Variants in TOLLIP observed in about 807,000 individuals in gnomAD.
TOLLIP encodes the protein toll-interacting protein.
Under a neutral mutation model 33.5 loss-of-function variants are expected in TOLLIP, and 16 were observed. The ratio of observed to expected loss-of-function variants is 0.48; its 90% CI spans 0.32 to 0.72. The LOEUF is 0.72. Among genes scored for constraint, TOLLIP ranks in the 30% least tolerant of loss-of-function variants. TOLLIP has a pLI of 0.03. For synonymous variants in TOLLIP, 176 were observed against 163.7 expected (o/e 1.07, Z -0.57); for missense variants, 325 against 396.6 (o/e 0.82, Z 1.53).
At chr11:1,297,889 A>G (rs891086827) in intron 1 of TOLLIP, among the ~76,000 whole-genome samples, 2 of 152,184 alleles carry the variant, frequency 1.3e-5, no homozygotes, top group Non-Finnish European at 2.9e-5. Context: ...GATGCTAAGC[A>G]CCTGTTCCTG....
At chr11:1,288,041 C>G (rs1396446251) in intron 4 of TOLLIP, among the ~76,000 whole-genome samples, 2 of 152,132 alleles carry the variant, frequency 1.3e-5, no homozygotes, top group Admixed American at 1.3e-4. Context: ...CTAACTGGCC[C>G]TCCTGATGCC....
intron 1 of TOLLIP, among the ~76,000 whole-genome samples, chr11:1,299,458 C>T (rs910329288): frequency 1.3e-5 from 2 of 152,156 alleles, no homozygotes; most frequent in Admixed American, 6.5e-5. Flanking sequence ...GTTTCAGTGA[C>T]GACACTCGGT....
chr11:1,300,125 A>G (rs560901278), intron 1 of TOLLIP, among the ~76,000 whole-genome samples: 1 of 152,378 alleles, frequency 6.6e-6, no homozygotes, highest in Admixed American at 6.5e-5. Context: ...TACTTTTAAA[A>G]TAAAAAGGAC....
In TOLLIP at chr11:1,288,785, G is replaced by A. The variant is rs1348819714; in HGVS notation, c.367-9C>T. The A allele has an allele frequency of 9.9e-6, 16 of 1,609,940 alleles. No individual in the cohort carries two copies. Among genetic ancestry groups the A allele is most frequent in the East Asian group, 2.2e-5 (1 of 44,858 alleles). On this transcript the variant is annotated splice_polypyrimidine_tract_variant and intron_variant, in intron 3 of 5. Coordinates refer to ENST00000317204, the MANE Select transcript of TOLLIP (RefSeq NM_019009.4). Reference sequence around the variant, plus strand: ...TCCATGGAGAAGGCTCTCTGCGGGAGACAAGAGGGAGAGGCCCCAGGCATC... The same window carrying A: ...TCCATGGAGAAGGCTCTCTGCGGGAAACAAGAGGGAGAGGCCCCAGGCATC...
chr11:1,290,680 G>C lies in TOLLIP; in HGVS notation c.184-271C>G, dbSNP rs958115960. Reference sequence around the variant, plus strand: ...CTACGACGCTCACAGACACAGCTGAGGCCGCCACTCACCCACCATGAAGGG... The same window carrying C: ...CTACGACGCTCACAGACACAGCTGACGCCGCCACTCACCCACCATGAAGGG... On this transcript the variant is annotated intron_variant, in intron 2 of 5. Transcript: ENST00000317204. The surrounding 1 kb of genome is among the most constrained non-coding windows in gnomAD (Gnocchi z 4.9). 1.3e-5 allele frequency among the ~76,000 whole-genome samples: 2 copies of C among 152,120 alleles called. No homozygotes were observed. The highest frequency in any genetic ancestry group is 2.9e-5 in the Non-Finnish European group (2 of 68,030).
Position 1,276,793 on chromosome 11 carries a change from G to C in TOLLIP, c.*246C>G. The C allele has an allele frequency of 6.6e-7, 1 of 1,521,900 alleles. No individual in the cohort carries two copies. The highest frequency in any genetic ancestry group is 1.4e-5 in the African/African-American group (1 of 72,948). 94.3% of individuals were successfully genotyped at this position (1,521,900 alleles called of 1,614,324 possible). A position where few individuals can be genotyped will look rare whatever the true frequency, so the allele number is the denominator to read the frequency against. On this transcript the variant is annotated 3_prime_UTR_variant, in exon 6 of 6. Coordinates refer to ENST00000317204, the MANE Select transcript of TOLLIP (RefSeq NM_019009.4). ...GAGAAGGAGAGACGCACGTCCCAGGGACAGGAGAGCGCGCTGAGACCTCCC... is the reference window on the plus strand; with the variant it reads ...GAGAAGGAGAGACGCACGTCCCAGGCACAGGAGAGCGCGCTGAGACCTCCC...
At chr11:1,288,839 C>T (rs772126719) in intron 3 of TOLLIP, 63 bp from the exon 4 acceptor site, 39 of 1,561,502 alleles carry the variant, frequency 2.5e-5, no homozygotes, top group Admixed American at 1.3e-4. Context: ...CCCCTGCAGC[C>T]GCACCATCGT....
rs543328314 is a variant in TOLLIP at position 1,275,231 on chromosome 11, T to C, written c.*1808A>G. ...TCTAGGAGACACCCACAGAGCCACA[T>C]GTGCACGCGTGTGGCAGTCTCACTG... is the stretch of plus-strand genomic sequence containing the variant. On this transcript the variant is annotated 3_prime_UTR_variant, in exon 6 of 6. Transcript: ENST00000317204. The C allele has an allele frequency of 6.6e-6, 1 of 152,096 alleles. No homozygotes were observed. The highest frequency in any genetic ancestry group is 1.5e-5 in the Non-Finnish European group (1 of 68,018). 9.4% of individuals were successfully genotyped at this position (152,096 alleles called of 1,614,324 possible).
chr11:1,282,745 C>T (rs771607986), intron 5 of TOLLIP, among the ~76,000 whole-genome samples: 10 of 151,734 alleles, frequency 6.6e-5, no homozygotes, highest in Non-Finnish European at 1.5e-4. Context: ...CAAACCTGCA[C>T]GTTGTGCACA....
chr11:1,283,763 C>T (rs907787030), intron 5 of TOLLIP, among the ~76,000 whole-genome samples: 17 of 152,198 alleles, frequency 1.1e-4, no homozygotes, highest in Middle Eastern at 3.2e-3. Flanking sequence ...TACACCCTGG[C>T]GCTGTATCCA....
chr11:1,295,577 A>G (rs1864087162), intron 2 of TOLLIP, 68 bp downstream of exon 2: 1 of 1,433,954 alleles, frequency 7.0e-7, no homozygotes, highest in Non-Finnish European at 9.2e-7. Context: ...ATAAACGCCG[A>G]AATCCGAAAT....
rs565999518 is a variant in TOLLIP, at chr11:1,280,508, G to A, written c.611-3255C>T. ...CGGGAGGGACTGCGCCGGTGAGGAC[G>A]TGGGGGCAGCAGAGAAAAGAGAGAA... On this transcript the variant is annotated intron_variant, in intron 5 of 5. Coordinates refer to ENST00000317204, the MANE Select transcript of TOLLIP (RefSeq NM_019009.4). Among the ~76,000 whole-genome samples, 18 of 152,170 alleles carry A rather than the reference G, an allele frequency of 1.2e-4. No individual in the cohort carries two copies. In the East Asian group the frequency reaches 1.9e-3, roughly 16 times the overall value.
rs536525462 is a variant in TOLLIP, at chr11:1,285,209, G to A, written c.610+793C>T. On this transcript the variant is annotated intron_variant, in intron 5 of 5. Coordinates refer to ENST00000317204, the MANE Select transcript of TOLLIP (RefSeq NM_019009.4). ...CTGCCCGCAACTTGGCCACTTCCAT[G>A]GCCTGGGCCTCTGGCCTCCACCCTC... is the stretch of plus-strand genomic sequence containing the variant. 1.1e-4 allele frequency among the ~76,000 whole-genome samples: 16 copies of A among 152,284 alleles called. No homozygotes were observed. The East Asian group carries it at 3.1e-3, about 29-fold the overall frequency.
rs191964470 is a variant in TOLLIP, at chr11:1,295,550, C to T, written c.183+95G>A. 348 of 1,372,838 alleles carry T rather than the reference C, an allele frequency of 2.5e-4. 1 individual carries two copies. The East Asian group carries it at 4.6e-3, about 18-fold the overall frequency. The allele number at this position is 1,372,838 out of a possible 1,614,324, so 85.0% of individuals were successfully genotyped here. On this transcript the variant is annotated intron_variant, in intron 2 of 5. Coordinates refer to ENST00000317204, the MANE Select transcript of TOLLIP (RefSeq NM_019009.4). ...GCGGGAATCAGAAGTTCTGTTTGCCCGCTTAGGAAATGCAGTATAAACGCC... is the reference window on the plus strand; with the variant it reads ...GCGGGAATCAGAAGTTCTGTTTGCCTGCTTAGGAAATGCAGTATAAACGCC...
chr11:1,302,109 A>C (rs1005291500), intron 1 of TOLLIP, among the ~76,000 whole-genome samples: 5 of 152,230 alleles, frequency 3.3e-5, no homozygotes, highest in Non-Finnish European at 5.9e-5. Flanking sequence ...ACTGTCCTAC[A>C]GGGGATGTCT....
At chr11:1,305,175 C>G (rs1864392417) in intron 1 of TOLLIP, among the ~76,000 whole-genome samples, 1 of 152,242 alleles carries the variant, frequency 6.6e-6, no homozygotes, top group Non-Finnish European at 1.5e-5. Flanking sequence ...CAGGCAAGCA[C>G]AGCAATTCCA....
Position 1,290,379 on chromosome 11 carries a change from G to A in TOLLIP, c.214C>T (p.Arg72Cys). The part of the protein sequence containing the change: ...AKLAKNYGMT[R>C]MDPYCRLRLG... ...CGCAGTCGGCAGTAGGGGTCCATGCGGGTCATGCCGTAATTCTTGGCCAAC... is the reference window on the plus strand; with the variant it reads ...CGCAGTCGGCAGTAGGGGTCCATGCAGGTCATGCCGTAATTCTTGGCCAAC... Residue 72 changes from arginine to cysteine, a missense_variant, in exon 3 of 6, where the codon CGC (arginine) becomes TGC (cysteine). Arg to Cys is a radical substitution (Grantham distance 180, BLOSUM62 -3). Transcript: ENST00000317204. The surrounding 1 kb of genome is among the most constrained non-coding windows in gnomAD (Gnocchi z 4.9). The A allele has an allele frequency of 6.2e-7, 1 of 1,612,384 alleles. No homozygotes were observed. The highest frequency in any genetic ancestry group is 8.5e-7 in the Non-Finnish European group (1 of 1,179,084).
At chr11:1,299,267 C>T (rs888795170) in intron 1 of TOLLIP, among the ~76,000 whole-genome samples, 11 of 152,210 alleles carry the variant, frequency 7.2e-5, no homozygotes, top group Non-Finnish European at 1.3e-4. Context: ...CAGTCCTCCC[C>T]GTACAAATAC....
At chr11:1,305,654 C>T (rs1279069185) in intron 1 of TOLLIP, among the ~76,000 whole-genome samples, 1 of 152,170 alleles carries the variant, frequency 6.6e-6, no homozygotes, top group Admixed American at 6.5e-5. Context: ...GTCACCGATT[C>T]GGCAGGAATT....
Sources: allele counts gnomAD v4.1 joint callset (sites outside exome capture counted in the v4.1 genomes callset), GRCh38; gene constraint gnomAD v4.1.1; non-coding constraint Gnocchi (gnomAD v3.1); transcripts MANE v1.5; gene names NCBI Gene and HGNC (gene_info 2026-07-23, HGNC 2026-07-21).